EFCAB5: variants seen among roughly 807,000 people sequenced by gnomAD.
EFCAB5 encodes the protein EF-hand calcium binding domain 5.
A neutral mutation model predicts 167.9 loss-of-function variants in EFCAB5; 131 were observed. The ratio of observed to expected loss-of-function variants is 0.78; its 90% CI spans 0.68 to 0.90. The LOEUF (loss-of-function observed/expected upper bound fraction) is 0.90, where lower values mean the gene tolerates loss of function less well. EFCAB5 is among the 40% of genes least tolerant of loss of function. The pLI, the probability that EFCAB5 is intolerant of heterozygous loss-of-function variation, is 0.00. For missense variants in EFCAB5, 1,663 were observed against 1,745.2 expected (o/e 0.95, Z 0.84); for synonymous variants, 574 against 602.8 (o/e 0.95, Z 0.70).
chr17:30,025,655 C>T (rs2069298427), intron 7 of EFCAB5, among the ~76,000 whole-genome samples: 1 of 152,122 alleles, frequency 6.6e-6, no homozygotes. Flanking sequence ...TTGACCCAGC[C>T]ATCCCATTAC....
intron 4 of EFCAB5, among the ~76,000 whole-genome samples, chr17:29,974,964 G>A (rs2068034820): frequency 6.6e-6 from 1 of 152,002 alleles, no homozygotes; most frequent in African/African-American, 2.4e-5. Context: ...GGTGAGGGCA[G>A]GAGGATTACT....
intron 21 of EFCAB5, among the ~76,000 whole-genome samples, chr17:30,092,386 T>G (rs1268079754): frequency 6.6e-6 from 1 of 151,914 alleles, no homozygotes; most frequent in Non-Finnish European, 1.5e-5. Flanking sequence ...ACCCCAAGGG[T>G]AACCATCATC....
intron 4 of EFCAB5, among the ~76,000 whole-genome samples, chr17:29,975,720 G>A (rs1479639079): frequency 6.6e-6 from 1 of 152,122 alleles, no homozygotes; most frequent in East Asian, 1.9e-4. Flanking sequence ...TTTTATGTGT[G>A]GTTATGAAAT....
chr17:30,066,396 T>A (rs1003224671), intron 14 of EFCAB5, among the ~76,000 whole-genome samples: 3 of 152,128 alleles, frequency 2.0e-5, no homozygotes, highest in Non-Finnish European at 2.9e-5. Context: ...TTTTTACTTT[T>A]TACTTTTTAA....
At chr17:30,011,809 C>G (rs2068909265) in intron 7 of EFCAB5, among the ~76,000 whole-genome samples, 1 of 151,960 alleles carries the variant, frequency 6.6e-6, no homozygotes, top group Non-Finnish European at 1.5e-5. Context: ...GCAAGCCACC[C>G]AGGTGCCAAG....
At chr17:30,095,047 C>G (rs2071269944) in intron 22 of EFCAB5, among the ~76,000 whole-genome samples, 1 of 152,190 alleles carries the variant, frequency 6.6e-6, no homozygotes, top group African/African-American at 2.4e-5. Flanking sequence ...ACCTCTGCTG[C>G]CAGCCTCACC....
At chr17:30,004,787 A>ATTTTTTTTTTTTTTTTTTTTTT (rs60231360) in intron 7 of EFCAB5, among the ~76,000 whole-genome samples, 1 of 115,138 alleles carries the variant, frequency 8.7e-6, no homozygotes, top group Non-Finnish European at 1.7e-5. Flanking sequence ...CTCCTGGCTA[A>ATTTTTTTTTTTTTTTTTTTTTT]TTTTTTTTTT....
chr17:30,094,887 C>G (rs1019532463), intron 22 of EFCAB5, among the ~76,000 whole-genome samples: 1 of 152,172 alleles, frequency 6.6e-6, no homozygotes, highest in African/African-American at 2.4e-5. Flanking sequence ...CCAGTGAGCA[C>G]TCCCAGACAG....
At chr17:29,934,268 A>G (rs1422200066) in intron 1 of EFCAB5, among the ~76,000 whole-genome samples, 1 of 152,238 alleles carries the variant, frequency 6.6e-6, no homozygotes, top group Non-Finnish European at 1.5e-5. Context: ...AATTTTCACA[A>G]CAATTCAAAA....
At chr17:29,964,514 C>T (rs1481678596) in intron 3 of EFCAB5, among the ~76,000 whole-genome samples, 4 of 152,048 alleles carry the variant, frequency 2.6e-5, no homozygotes, top group African/African-American at 9.7e-5. Context: ...AAGCTGGTCT[C>T]GAACTCCTGA....
Position 29,993,169 on chromosome 17 carries a change from T to C in EFCAB5, c.772T>C (p.Ser258Pro), listed in dbSNP as rs2068460984. 6.2e-7 allele frequency: 1 copy of C among 1,609,118 alleles called. No homozygotes were observed. The highest frequency in any genetic ancestry group is 1.3e-5 in the African/African-American group (1 of 74,792). The change falls in exon 5 of 23, where the codon TCC becomes CCC. Residue 258 changes from serine to proline, a missense_variant. Ser to Pro is a moderately conservative substitution (Grantham distance 74). Coordinates refer to ENST00000394835, the MANE Select transcript of EFCAB5 (RefSeq NM_198529.4). ...YVPDTICNRV[S>P]KMKENVKQNR... ...TTCTATATCTACATCCTGCAGAGTA[T>C]CCAAGATGAAGGAGAATGTTAAACA...
chr17:30,049,742 A>G (rs2070032869), intron 8 of EFCAB5, among the ~76,000 whole-genome samples: 1 of 152,262 alleles, frequency 6.6e-6, no homozygotes. Flanking sequence ...ATATGAAGAA[A>G]TAACACTGTC....
intron 7 of EFCAB5, among the ~76,000 whole-genome samples, chr17:30,018,771 T>C (rs561271153): frequency 1.3e-5 from 2 of 152,304 alleles, no homozygotes; most frequent in South Asian, 4.1e-4. Flanking sequence ...GTTCTTGTCA[T>C]ATTGAATCTG....
At chr17:29,988,747 T>C (rs2068345005) in intron 4 of EFCAB5, among the ~76,000 whole-genome samples, 1 of 152,178 alleles carries the variant, frequency 6.6e-6, no homozygotes, top group South Asian at 2.1e-4. Context: ...AATTTAACTA[T>C]CTGAGTTCTC....
At chr17:29,949,131 A>C (rs975044047) in intron 3 of EFCAB5, among the ~76,000 whole-genome samples, 2 of 152,210 alleles carry the variant, frequency 1.3e-5, no homozygotes, top group African/African-American at 4.8e-5. Flanking sequence ...AGAGCCTGCT[A>C]AGACTTATTA....
intron 4 of EFCAB5, among the ~76,000 whole-genome samples, chr17:29,988,132 G>A (rs2068329567): frequency 6.6e-6 from 1 of 152,182 alleles, no homozygotes; most frequent in African/African-American, 2.4e-5. Context: ...AATTGTGAAA[G>A]TGTCTAGCAT....
intron 4 of EFCAB5, among the ~76,000 whole-genome samples, chr17:29,970,445 G>C (rs1272251055): frequency 1.3e-5 from 2 of 151,470 alleles, no homozygotes; most frequent in African/African-American, 2.4e-5. Flanking sequence ...TATGAATTAT[G>C]GGAGTAACTT....
At chr17:29,985,767 G>T (rs1223320679) in intron 4 of EFCAB5, among the ~76,000 whole-genome samples, 1 of 152,126 alleles carries the variant, frequency 6.6e-6, no homozygotes, top group Non-Finnish European at 1.5e-5. Flanking sequence ...CCTCTTTCCG[G>T]TAAACTCACA....
At chr17:29,968,508 G>A (rs1200634462) in intron 3 of EFCAB5, 6 of 351,566 alleles carry the variant, frequency 1.7e-5, no homozygotes, top group South Asian at 5.4e-5. Context: ...TCTAATAGTC[G>A]TCATGTGATC....
Sources: gnomAD v4.1 joint callset for allele counts (sites outside exome capture counted in the v4.1 genomes callset) on GRCh38, gnomAD v4.1.1 for gene constraint, MANE v1.5 for transcripts, NCBI Gene and HGNC (gene_info 2026-07-23, HGNC 2026-07-21) for gene names.